SBF2: variants seen among roughly 807,000 people sequenced by gnomAD.
The protein encoded by SBF2 is myotubularin-related protein 13.
Under a neutral mutation model 225.2 loss-of-function variants are expected in SBF2, and 112 were observed. The observed-to-expected ratio is 0.50, with a 90% CI of 0.43 to 0.58. The LOEUF (loss-of-function observed/expected upper bound fraction) is 0.58. Among genes scored for constraint, SBF2 ranks in the 20% least tolerant of loss-of-function variants. The pLI is 0.00. For synonymous variants in SBF2, 763 were observed against 773.3 expected (o/e 0.99, Z 0.22); for missense variants, 1,996 against 2,206.2 (o/e 0.90, Z 1.91).
intron 28 of SBF2, among the ~76,000 whole-genome samples, chr11:9,817,742 C>CAAAAAAA (rs1161708572): frequency 7.0e-5 from 4 of 57,328 alleles, no homozygotes; most frequent in Admixed American, 1.9e-4. Context: ...CCGTCTCTAC[C>CAAAAAAA]AAAAAAAAAA....
intron 7 of SBF2, among the ~76,000 whole-genome samples, chr11:10,001,909 A>G (rs192066833): frequency 1.4e-3 from 207 of 152,280 alleles, no homozygotes; most frequent in African/African-American, 4.8e-3. Flanking sequence ...ATGATTATCA[A>G]TTGATTAAAC....
At chr11:10,239,138 T>C (rs1311154200) in intron 1 of SBF2, among the ~76,000 whole-genome samples, 1 of 150,644 alleles carries the variant, frequency 6.6e-6, no homozygotes, top group African/African-American at 2.4e-5. Flanking sequence ...TATATCTGCA[T>C]GTATGTGAAT....
chr11:9,959,035 G>C, intron 16 of SBF2: 1 of 1,417,178 alleles, frequency 7.1e-7, no homozygotes, highest in East Asian at 2.3e-5. Context: ...CATGGCCTTG[G>C]TGCTAATGTT....
At chr11:10,261,597 C>A (rs1433012125) in intron 1 of SBF2, among the ~76,000 whole-genome samples, 1 of 152,110 alleles carries the variant, frequency 6.6e-6, no homozygotes, top group African/African-American at 2.4e-5. Flanking sequence ...AGCATACACC[C>A]ACCTATAACC....
chr11:10,233,448 A>C (rs1958936589), intron 1 of SBF2, among the ~76,000 whole-genome samples: 1 of 151,984 alleles, frequency 6.6e-6, no homozygotes, highest in Non-Finnish European at 1.5e-5. Context: ...TGAATAATCC[A>C]TATTTCATAA....
At chr11:9,794,676 CAAAAAAAAAA>C (rs575749593) in intron 33 of SBF2, among the ~76,000 whole-genome samples, 1,195 of 35,350 alleles carry the variant, frequency 0.034, 21 homozygotes, top group African/African-American at 0.11. Flanking sequence ...GACTCCGTCT[CAAAAAAAAAA>C]AAAAAAAAAA....
At chr11:10,042,811 C>T (rs61877051) in intron 3 of SBF2, 33 bp downstream of exon 3, 165 of 1,610,660 alleles carry the variant, frequency 1.0e-4, no homozygotes, top group African/African-American at 1.3e-4. Flanking sequence ...GTTGTACCTT[C>T]GACTGTACTT....
intron 16 of SBF2, among the ~76,000 whole-genome samples, chr11:9,951,398 T>C (rs1396556351): frequency 6.6e-6 from 1 of 152,132 alleles, no homozygotes; most frequent in African/African-American, 2.4e-5. Flanking sequence ...GGAGGTAGGG[T>C]AACCAGTTAA....
intron 6 of SBF2, among the ~76,000 whole-genome samples, chr11:10,012,356 G>A (rs573957993): frequency 1.6e-4 from 24 of 152,160 alleles, no homozygotes; most frequent in Admixed American, 9.8e-4. Flanking sequence ...TTCTCAGGCC[G>A]GTCCTGAACT....
chr11:10,044,844 G>T (rs1211508534), intron 2 of SBF2, among the ~76,000 whole-genome samples: 1 of 152,208 alleles, frequency 6.6e-6, no homozygotes, highest in Non-Finnish European at 1.5e-5. Flanking sequence ...GTGCTCTTGT[G>T]ATCGTGGCTG....
At chr11:10,099,435 A>G (rs2134960355) in intron 2 of SBF2, among the ~76,000 whole-genome samples, 1 of 152,308 alleles carries the variant, frequency 6.6e-6, no homozygotes, top group Middle Eastern at 3.4e-3. Flanking sequence ...AAAACAGTAA[A>G]CCTGCCTTAC....
chr11:10,133,673 C>T (rs1016086252), intron 2 of SBF2, among the ~76,000 whole-genome samples: 12 of 151,006 alleles, frequency 7.9e-5, no homozygotes, highest in African/African-American at 1.5e-4. Flanking sequence ...CCCCGGTTCC[C>T]GCTCATGCCT....
intron 17 of SBF2, among the ~76,000 whole-genome samples, chr11:9,863,996 T>C (rs1321422575): frequency 6.6e-6 from 1 of 152,218 alleles, no homozygotes; most frequent in Non-Finnish European, 1.5e-5. Context: ...TTATGTGACA[T>C]CTAACAACTA....
chr11:9,849,594 AG>A (rs1483019804), intron 22 of SBF2, among the ~76,000 whole-genome samples: 2 of 152,220 alleles, frequency 1.3e-5, no homozygotes, highest in Non-Finnish European at 2.9e-5. Flanking sequence ...AAGTGGGATT[AG>A]TTGGTGCTGG....
intron 28 of SBF2, among the ~76,000 whole-genome samples, chr11:9,818,465 G>C (rs1854572688): frequency 6.6e-6 from 1 of 152,168 alleles, no homozygotes; most frequent in Non-Finnish European, 1.5e-5. Flanking sequence ...AATGCCTGTA[G>C]AACTGTGGTG....
chr11:9,963,926 T>C, intron 14 of SBF2, 44 bp from the exon 15 acceptor site: 1 of 1,160,708 alleles, frequency 8.6e-7, no homozygotes, highest in Non-Finnish European at 1.3e-6. Flanking sequence ...TTAAACTTCT[T>C]TGGTAATTAC....
chr11:9,888,460 C>T (rs1262530504), intron 17 of SBF2, among the ~76,000 whole-genome samples: 1 of 150,380 alleles, frequency 6.6e-6, no homozygotes, highest in East Asian at 1.9e-4. Flanking sequence ...GCTGAGATGG[C>T]ATCACTGTAC....
At chr11:9,800,659 G>A (rs1853437513) in intron 32 of SBF2, among the ~76,000 whole-genome samples, 1 of 151,908 alleles carries the variant, frequency 6.6e-6, no homozygotes, top group East Asian at 1.9e-4. Context: ...TGCCTGTCTC[G>A]GCTTCCCAAA....
intron 2 of SBF2, among the ~76,000 whole-genome samples, chr11:10,085,294 T>C (rs191465437): frequency 6.6e-6 from 1 of 152,330 alleles, no homozygotes; most frequent in East Asian, 1.9e-4. Context: ...ATTACATGAA[T>C]ATTACAGCCT....
Sources: gnomAD v4.1 joint callset for allele counts (sites outside exome capture counted in the v4.1 genomes callset) on GRCh38, gnomAD v4.1.1 for gene constraint, MANE v1.5 for transcripts, NCBI Gene and HGNC (gene_info 2026-07-23, HGNC 2026-07-21) for gene names.